Variants in LRRC4C observed in about 807,000 individuals in gnomAD.
LRRC4C encodes leucine rich repeat containing 4C, also known as leucine-rich repeat-containing protein 4C.
In LRRC4C, 5 loss-of-function variants were observed where a neutral mutation model predicts 33.6. The ratio of observed to expected loss-of-function variants is 0.15; its 90% CI spans 0.08 to 0.31. The LOEUF (loss-of-function observed/expected upper bound fraction) is 0.31, where lower values mean the gene tolerates loss of function less well. Ranked by LOEUF, LRRC4C falls within the 10% of genes least tolerant of loss-of-function variation. LRRC4C has a pLI of 1.00. For missense variants in LRRC4C, 560 were observed against 796.7 expected (o/e 0.70, Z 3.58); for synonymous variants, 329 against 302.0 (o/e 1.09, Z -0.93).
At chr11:40,169,098 C>G (rs1289515355) in intron 5 of LRRC4C, among the ~76,000 whole-genome samples, 1 of 152,170 alleles carries the variant, frequency 6.6e-6, no homozygotes, top group Non-Finnish European at 1.5e-5. Flanking sequence ...AGTATGCACT[C>G]TCATTGACAT....
Position 40,114,440 on chromosome 11 carries a change from T to C in LRRC4C, c.1853A>G (p.His618Arg), listed in dbSNP as rs756384730. 4.3e-6 allele frequency: 7 copies of C among 1,614,152 alleles called. No individual in the cohort carries two copies. The South Asian group carries it at 7.7e-5, about 18-fold the overall frequency. Reference sequence around the variant, plus strand: ...CAATAACGGTTCATGCACTGAACTGTGTATTGAATTTATTGTGTTAACTGT... The same window carrying C: ...CAATAACGGTTCATGCACTGAACTGCGTATTGAATTTATTGTGTTAACTGT... ...TTTVNTINSI[H>R]SSVHEPLLIR... is the part of the protein sequence containing the mutation. Residue 618 changes from histidine (H) to arginine (R), a missense_variant, in exon 7 of 7, where the codon CAC becomes CGC. By Grantham distance (29) the His-to-Arg change is conservative. This residue lies in a region of LRRC4C where 103 missense variants were observed against 132.1 expected (regional missense o/e 0.78). Transcript: ENST00000528697.
intron 1 of LRRC4C, among the ~76,000 whole-genome samples, chr11:40,988,467 A>G (rs1853233462): frequency 6.6e-6 from 1 of 152,132 alleles, no homozygotes; most frequent in South Asian, 2.1e-4. Context: ...GAGGGGATAA[A>G]ACAATCCAGT....
At chr11:40,717,572 G>A (rs897705648) in intron 2 of LRRC4C, among the ~76,000 whole-genome samples, 10 of 151,630 alleles carry the variant, frequency 6.6e-5, no homozygotes, top group African/African-American at 2.4e-4. Flanking sequence ...TTTTTGGGGG[G>A]GTACAGATTA....
chr11:40,689,816 T>A (rs1166806896), intron 2 of LRRC4C, among the ~76,000 whole-genome samples: 1 of 152,102 alleles, frequency 6.6e-6, no homozygotes, highest in African/African-American at 2.4e-5. Context: ...ATACATTCTA[T>A]CTCTGAAATT....
At chr11:40,584,999 TG>T (rs999151538) in intron 3 of LRRC4C, among the ~76,000 whole-genome samples, 1 of 150,886 alleles carries the variant, frequency 6.6e-6, no homozygotes, top group African/African-American at 2.4e-5. Context: ...AAGAGGTTCT[TG>T]GGGGCAGATG....
At chr11:41,329,270 A>G (rs899902633) in intron 1 of LRRC4C, among the ~76,000 whole-genome samples, 7 of 152,170 alleles carry the variant, frequency 4.6e-5, no homozygotes, top group African/African-American at 1.4e-4. Flanking sequence ...TCATACTCCA[A>G]AGAATCTCAA....
At chr11:40,602,681 C>A (rs1211089850) in intron 3 of LRRC4C, among the ~76,000 whole-genome samples, 1 of 152,130 alleles carries the variant, frequency 6.6e-6, no homozygotes, top group Non-Finnish European at 1.5e-5. Flanking sequence ...TCTTCATCAA[C>A]AATGTGCATC....
At chr11:41,382,202 T>G (rs1380851353) in intron 1 of LRRC4C, among the ~76,000 whole-genome samples, 4 of 152,058 alleles carry the variant, frequency 2.6e-5, no homozygotes, top group Non-Finnish European at 5.9e-5. Context: ...TCAGAAGATC[T>G]TAAAAGCTTT....
At chr11:40,980,048 A>G (rs1384580585) in intron 1 of LRRC4C, among the ~76,000 whole-genome samples, 1 of 152,150 alleles carries the variant, frequency 6.6e-6, no homozygotes, top group Non-Finnish European at 1.5e-5. Context: ...AAATGAAAGG[A>G]AAGTGTCTGT....
intron 5 of LRRC4C, among the ~76,000 whole-genome samples, chr11:40,157,935 GT>G (rs1273820484): frequency 6.6e-6 from 1 of 152,054 alleles, no homozygotes; most frequent in African/African-American, 2.4e-5. Context: ...AGGAAAAGAA[GT>G]CATTATTTGA....
intron 1 of LRRC4C, among the ~76,000 whole-genome samples, chr11:41,285,395 T>C (rs1347490290): frequency 6.6e-6 from 1 of 152,240 alleles, no homozygotes; most frequent in Non-Finnish European, 1.5e-5. Flanking sequence ...ATTTTTTAAA[T>C]ATCTACTGTT....
At chr11:40,515,075 G>A (rs992666476) in intron 3 of LRRC4C, among the ~76,000 whole-genome samples, 6 of 152,070 alleles carry the variant, frequency 3.9e-5, no homozygotes, top group Non-Finnish European at 7.4e-5. Context: ...ATTTACTCTA[G>A]ATTCAGATAT....
At chr11:40,398,689 A>T (rs968304007) in intron 3 of LRRC4C, among the ~76,000 whole-genome samples, 1 of 152,128 alleles carries the variant, frequency 6.6e-6, no homozygotes, top group Admixed American at 6.6e-5. Context: ...AATCAAGCTT[A>T]AAATTGCACA....
chr11:40,858,927 A>G (rs1953938806), intron 2 of LRRC4C, among the ~76,000 whole-genome samples: 1 of 152,172 alleles, frequency 6.6e-6, no homozygotes, highest in Admixed American at 6.5e-5. Flanking sequence ...ATTCTTGCCA[A>G]ATAGACAAAA....
At chr11:40,119,543 G>A (rs533133893) in intron 6 of LRRC4C, among the ~76,000 whole-genome samples, 3 of 152,186 alleles carry the variant, frequency 2.0e-5, no homozygotes, top group South Asian at 4.1e-4. Flanking sequence ...TTAGCCTATT[G>A]CCAACACAGT....
intron 1 of LRRC4C, among the ~76,000 whole-genome samples, chr11:41,153,736 T>C (rs529312739): frequency 6.6e-6 from 1 of 152,300 alleles, no homozygotes; most frequent in South Asian, 2.1e-4. Flanking sequence ...TTACCCTTTG[T>C]AGTAGATTAA....
chr11:40,158,482 C>T (rs1471019439), intron 5 of LRRC4C, among the ~76,000 whole-genome samples: 1 of 151,194 alleles, frequency 6.6e-6, no homozygotes, highest in African/African-American at 2.4e-5. Context: ...GCAATTGGGT[C>T]TTTAGTCCCT....
intron 5 of LRRC4C, among the ~76,000 whole-genome samples, chr11:40,227,463 C>G (rs1388584642): frequency 2.0e-5 from 3 of 152,114 alleles, no homozygotes; most frequent in Non-Finnish European, 4.4e-5. Flanking sequence ...TGACACTCAT[C>G]CCCCCGAAAT....
At chr11:40,972,858 A>C (rs906674980) in intron 1 of LRRC4C, among the ~76,000 whole-genome samples, 1 of 151,968 alleles carries the variant, frequency 6.6e-6, no homozygotes, top group Admixed American at 6.5e-5. Context: ...ATCAGTTACT[A>C]TCTGTGTCCC....
Sources: allele counts gnomAD v4.1 joint callset (sites outside exome capture counted in the v4.1 genomes callset), GRCh38; gene constraint gnomAD v4.1.1; regional missense constraint gnomAD v4.1.1; transcripts MANE v1.5; gene names NCBI Gene and HGNC (gene_info 2026-07-23, HGNC 2026-07-21).